URGCP: variants seen among roughly 807,000 people sequenced by gnomAD.
The protein encoded by URGCP is upregulator of cell proliferation, also known as up-regulator of cell proliferation.
In URGCP, 13 loss-of-function variants were observed where a neutral mutation model predicts 24.6. That is an observed-to-expected ratio of 0.53 (90% CI 0.34 to 0.84). The LOEUF is 0.84. Ranked by LOEUF, URGCP falls within the 40% of genes least tolerant of loss-of-function variation. The pLI, the probability that URGCP is intolerant of heterozygous loss-of-function variation, is 0.01. For synonymous variants in URGCP, 444 were observed against 487.2 expected (o/e 0.91, Z 1.17); for missense variants, 899 against 1,194.3 (o/e 0.75, Z 3.64).
rs1274484788 is a variant in URGCP, at chr7:43,878,935, G to C, written c.528C>G (p.Thr176=). ...CTAAGGGGTTCACTGGCGTATCAGG[G>C]GTGGGCAGCTCAGAAAAGGAATAAA... ...ADIYSFSELP[T]PDTPVNPLDL... The change falls in exon 6 of 6, where the codon ACC becomes ACG. Residue 176 remains threonine (T), a synonymous_variant. Transcript: ENST00000453200. This position sits in a 1 kb window ranked among gnomAD's most constrained non-coding sequence, Gnocchi z 5.6. 2 of 1,614,104 alleles carry C rather than the reference G, an allele frequency of 1.2e-6. No homozygotes were observed. Among genetic ancestry groups the C allele is most frequent in the Non-Finnish European group, 1.7e-6 (2 of 1,180,042 alleles).
At chr7:43,885,584 C>T (rs1321824597) in intron 3 of URGCP, among the ~76,000 whole-genome samples, 1 of 152,076 alleles carries the variant, frequency 6.6e-6, no homozygotes, top group Non-Finnish European at 1.5e-5. Flanking sequence ...CGGGGAAGAA[C>T]CAGGGTGTCT....
chr7:43,926,222 C>A (rs1554293956), exon 1 of URGCP: 1 of 183,562 alleles, frequency 5.4e-6, no homozygotes, highest in Non-Finnish European at 1.1e-5. Context: ...CGTGTGGCAC[C>A]TTGAGGGTGC....
At chr7:43,896,469 A>AG (rs1423889446) in intron 1 of URGCP, among the ~76,000 whole-genome samples, 1 of 151,952 alleles carries the variant, frequency 6.6e-6, no homozygotes, top group Non-Finnish European at 1.5e-5. Context: ...AAAAAAAAAA[A>AG]AAAGATACAA....
At position 43,877,561 on chromosome 7, in the gene URGCP, C is replaced by T; in HGVS notation, c.1902G>A (p.Gly634=). 1 of 1,614,078 alleles carries T rather than the reference C, an allele frequency of 6.2e-7. No individual in the cohort carries two copies. The highest frequency in any genetic ancestry group is 8.5e-7 in the Non-Finnish European group (1 of 1,180,040). The change falls in exon 6 of 6, where the codon GGG becomes GGA. Residue 634 remains glycine, a synonymous_variant. Transcript: ENST00000453200. ...AACGCCTCTGGCCTGCCGGCAGCCT[C>T]CCTGCCTCCACAAGACAGCTCTCAG... ...YEAESCLVEA[G]RLPAGQRRFA... is the part of the protein sequence containing the mutation.
At chr7:43,892,185 G>A (rs960809021) in intron 1 of URGCP, among the ~76,000 whole-genome samples, 1 of 151,746 alleles carries the variant, frequency 6.6e-6, no homozygotes, top group African/African-American at 2.4e-5. Flanking sequence ...CCCAAAGTGT[G>A]GGGAATACAG....
At chr7:43,887,575 G>A (rs2095864028) in intron 2 of URGCP, 90 bp from the exon 3 acceptor site, 7 of 1,531,310 alleles carry the variant, frequency 4.6e-6, no homozygotes, top group Admixed American at 2.1e-5. Context: ...CTCTTGGAGA[G>A]CTTTTAAAAA....
intron 1 of URGCP, among the ~76,000 whole-genome samples, chr7:43,893,743 T>C (rs1410754852): frequency 6.6e-6 from 1 of 152,140 alleles, no homozygotes; most frequent in African/African-American, 2.4e-5. Context: ...TGATGGCACA[T>C]GCCTGTAATC....
exon 1 of URGCP, chr7:43,926,406 C>G: frequency 1.2e-6 from 1 of 800,242 alleles, no homozygotes; most frequent in Non-Finnish European, 1.7e-6. Flanking sequence ...ACGACGGCCC[C>G]ACAGTGCCCC....
At chr7:43,899,246 T>C (rs2095885147) in intron 1 of URGCP, among the ~76,000 whole-genome samples, 1 of 147,458 alleles carries the variant, frequency 6.8e-6, no homozygotes, top group Non-Finnish European at 1.5e-5. Flanking sequence ...TAATAAAAAA[T>C]GTTTAAAGGA....
At chr7:43,886,659 A>G (rs1312528230) in intron 3 of URGCP, among the ~76,000 whole-genome samples, 1 of 151,860 alleles carries the variant, frequency 6.6e-6, no homozygotes, top group African/African-American at 2.4e-5. Context: ...AGGCTGAGGC[A>G]GCAGAATCAC....
intron 3 of URGCP, among the ~76,000 whole-genome samples, chr7:43,882,386 G>A (rs138775366): frequency 6.8e-4 from 103 of 152,302 alleles, no homozygotes; most frequent in African/African-American, 2.4e-3. Context: ...GGAGGCGGGG[G>A]TTGCAGTGAG....
chr7:43,887,297 A>G, intron 3 of URGCP, 118 bp downstream of exon 3: 1 of 1,194,692 alleles, frequency 8.4e-7, no homozygotes, highest in Non-Finnish European at 1.1e-6. Context: ...CCTTAAACTT[A>G]TTTATTTTTG....
At chr7:43,918,192 T>G (rs1244921263) in intron 1 of URGCP, among the ~76,000 whole-genome samples, 1 of 147,446 alleles carries the variant, frequency 6.8e-6, no homozygotes, top group African/African-American at 2.5e-5. Context: ...GAGAATCACT[T>G]GAACCCAAAA....
intron 1 of URGCP, among the ~76,000 whole-genome samples, chr7:43,923,087 G>A (rs957693943): frequency 1.3e-5 from 2 of 151,704 alleles, no homozygotes; most frequent in Admixed American, 6.6e-5. Context: ...AGGTTCAAGC[G>A]ATTCTCCTGC....
rs747106115 is a variant in URGCP, at chr7:43,878,098, G to T, written c.1365C>A (p.Ala455=). The T allele has an allele frequency of 2.5e-6, 4 of 1,614,208 alleles. No individual in the cohort carries two copies. The South Asian group carries it at 4.4e-5, about 18-fold the overall frequency. The part of the protein sequence containing the change: ...RVSVEDMAHA[A]RKLGLKVDED... ...CGTCGACCTTTAGGCCCAGTTTGCG[G>T]GCTGCGTGCGCCATGTCCTCCACAG... Residue 455 remains alanine, a synonymous_variant, in exon 6 of 6, where the codon GCC becomes GCA. Transcript: ENST00000453200. This position sits in a 1 kb window ranked among gnomAD's most constrained non-coding sequence, Gnocchi z 5.6.
chr7:43,916,719 C>CCG (rs960934628), intron 1 of URGCP, among the ~76,000 whole-genome samples: 2 of 130,858 alleles, frequency 1.5e-5, no homozygotes, highest in African/African-American at 2.8e-5. Flanking sequence ...CCACCCCCCC[C>CCG]CCCCACATAA....
chr7:43,904,885 A>G (rs2095898178), intron 1 of URGCP, among the ~76,000 whole-genome samples: 1 of 152,150 alleles, frequency 6.6e-6, no homozygotes, highest in Non-Finnish European at 1.5e-5. Flanking sequence ...CAACTAACAC[A>G]ATGATAAGTA....
intron 3 of URGCP, among the ~76,000 whole-genome samples, chr7:43,883,354 ATATATATAT>A (rs2095857328): frequency 3.1e-5 from 3 of 97,648 alleles, no homozygotes; most frequent in African/African-American, 1.9e-4. Context: ...ATATATATAT[ATATATATAT>A]TTTTTTTTTT....
At chr7:43,919,221 G>C in intron 1 of URGCP, 1 of 872,246 alleles carries the variant, frequency 1.1e-6, no homozygotes, top group Non-Finnish European at 2.0e-6. Flanking sequence ...TCCCAACCAG[G>C]ACAAGATGAG....
Sources: allele counts gnomAD v4.1 joint callset (sites outside exome capture counted in the v4.1 genomes callset), GRCh38; gene constraint gnomAD v4.1.1; non-coding constraint Gnocchi (gnomAD v3.1); transcripts MANE v1.5; gene names NCBI Gene and HGNC (gene_info 2026-07-23, HGNC 2026-07-21).